Variants in EPHA5 observed in about 807,000 individuals in gnomAD.
The protein encoded by EPHA5 is ephrin type-A receptor 5.
EPHA5 carries 60 observed loss-of-function variants against 105.0 expected under a neutral mutation model. The ratio of observed to expected loss-of-function variants is 0.57; its 90% CI spans 0.46 to 0.71. The LOEUF (loss-of-function observed/expected upper bound fraction) is 0.71, where lower values mean the gene tolerates loss of function less well. Among genes scored for constraint, EPHA5 ranks in the 30% least tolerant of loss-of-function variants. EPHA5 has a pLI of 0.00. For missense variants in EPHA5, 1,218 were observed against 1,274.7 expected, an observed-to-expected ratio of 0.96 and a Z score of 0.68; for synonymous variants, 513 against 449.1, an observed-to-expected ratio of 1.14 and a Z score of -1.80.
intron 3 of EPHA5, chr4:65,574,402 A>C (rs924092946): frequency 4.1e-5 from 27 of 657,696 alleles, no homozygotes; most frequent in Middle Eastern, 4.9e-4. Flanking sequence ...AAAATAAAAA[A>C]ATACTCAAAT....
chr4:65,324,493 C>T (rs372717504), intron 16 of EPHA5, among the ~76,000 whole-genome samples: 28 of 151,448 alleles, frequency 1.8e-4, no homozygotes, highest in African/African-American at 6.8e-4. Flanking sequence ...GGTGATAAAA[C>T]AAATTTGCAC....
intron 3 of EPHA5, among the ~76,000 whole-genome samples, chr4:65,501,024 A>T (rs1248437983): frequency 6.6e-6 from 1 of 151,330 alleles, no homozygotes; most frequent in Non-Finnish European, 1.5e-5. Flanking sequence ...TTATCAGAGG[A>T]TATAAGCTAA....
chr4:65,377,142 A>G (rs1024686134), intron 8 of EPHA5: 24 of 1,332,104 alleles, frequency 1.8e-5, no homozygotes, highest in Non-Finnish European at 2.3e-5. Context: ...CTATGAATTT[A>G]CTCAGGTGTC....
At chr4:65,462,248 A>C (rs556671426) in intron 5 of EPHA5, among the ~76,000 whole-genome samples, 1 of 152,292 alleles carries the variant, frequency 6.6e-6, no homozygotes, top group South Asian at 2.1e-4. Context: ...TTCTTAGATT[A>C]TTTATATATT....
intron 2 of EPHA5, among the ~76,000 whole-genome samples, chr4:65,633,666 G>A (rs1307878562): frequency 6.6e-6 from 1 of 151,708 alleles, no homozygotes; most frequent in Non-Finnish European, 1.5e-5. Context: ...TATACATAAT[G>A]GGGAAAAGGA....
In EPHA5 at chr4:65,482,466, A is replaced by G. The variant is rs533758037; in HGVS notation, c.1402+7911T>C. Among the ~76,000 whole-genome samples, 7 of 152,268 alleles carry G rather than the reference A, an allele frequency of 4.6e-5. No homozygotes were observed. In the East Asian group the frequency reaches 1.2e-3, roughly 25 times the overall value. On this transcript the variant is annotated intron_variant, in intron 5 of 16. Coordinates refer to ENST00000613740, the MANE Select transcript of EPHA5 (RefSeq NM_001281766.3). ...ACTGGGGAACACAGACATTGAAGCT[A>G]CATTCAAGTGATTTCATTTCTTTAG...
intron 3 of EPHA5, among the ~76,000 whole-genome samples, chr4:65,597,915 G>C (rs984575272): frequency 6.6e-6 from 1 of 152,108 alleles, no homozygotes; most frequent in African/African-American, 2.4e-5. Context: ...TGAAGGTTTA[G>C]TTTGTAAAAG....
chr4:65,468,605 A>C (rs4860668), intron 5 of EPHA5, among the ~76,000 whole-genome samples: 2 of 1,256 alleles, frequency 1.6e-3, no homozygotes, highest in East Asian at 0.14. Context: ...TATATATATT[A>C]TATATATTAT....
chr4:65,399,180 C>A (rs996028457), intron 8 of EPHA5, among the ~76,000 whole-genome samples: 4 of 152,162 alleles, frequency 2.6e-5, no homozygotes, highest in African/African-American at 9.7e-5. Context: ...CTCATCCAGA[C>A]ATGGTGCCCA....
chr4:65,591,412 T>C (rs766591627), intron 3 of EPHA5, among the ~76,000 whole-genome samples: 1 of 151,938 alleles, frequency 6.6e-6, no homozygotes, highest in Non-Finnish European at 1.5e-5. Flanking sequence ...AAATTTAACT[T>C]TATCATATCA....
At chr4:65,655,809 C>T (rs1435894155) in intron 1 of EPHA5, among the ~76,000 whole-genome samples, 8 of 152,016 alleles carry the variant, frequency 5.3e-5, no homozygotes, top group Non-Finnish European at 2.9e-5. Flanking sequence ...CTAATGAGCA[C>T]CTCTGCATTA....
intron 8 of EPHA5, among the ~76,000 whole-genome samples, chr4:65,375,065 T>C (rs1205259342): frequency 6.6e-6 from 1 of 151,930 alleles, no homozygotes; most frequent in African/African-American, 2.4e-5. Context: ...TCACAAAATA[T>C]AGCAATAAAG....
chr4:65,365,675 A>G (rs1717821649), intron 10 of EPHA5, among the ~76,000 whole-genome samples: 1 of 122,042 alleles, frequency 8.2e-6, no homozygotes. Context: ...ATATATATAT[A>G]TATATATATA....
chr4:65,416,618 G>T (rs933154955), intron 6 of EPHA5, among the ~76,000 whole-genome samples: 2 of 152,112 alleles, frequency 1.3e-5, no homozygotes, highest in Non-Finnish European at 2.9e-5. Context: ...CATATACAAG[G>T]AAACTGGGCT....
chr4:65,570,539 T>C (rs1740022160), intron 3 of EPHA5, among the ~76,000 whole-genome samples: 1 of 151,800 alleles, frequency 6.6e-6, no homozygotes, highest in Admixed American at 6.6e-5. Flanking sequence ...AATATCTTAG[T>C]CAGCTTTCTT....
chr4:65,606,132 A>AT, intron 2 of EPHA5, among the ~76,000 whole-genome samples: 1 of 151,928 alleles, frequency 6.6e-6, no homozygotes, highest in Non-Finnish European at 1.5e-5. Context: ...GCTACACAAC[A>AT]TTTTTTCCAG....
intron 13 of EPHA5, among the ~76,000 whole-genome samples, chr4:65,348,930 T>C (rs1460018095): frequency 6.8e-5 from 10 of 148,006 alleles, no homozygotes; most frequent in Admixed American, 2.7e-4. Context: ...ATTCTCATAC[T>C]TCAGCCTCCC....
At chr4:65,642,828 CATG>C (rs1364999552) in intron 2 of EPHA5, among the ~76,000 whole-genome samples, 3 of 151,876 alleles carry the variant, frequency 2.0e-5, no homozygotes, top group Admixed American at 6.6e-5. Flanking sequence ...TGCATGTGTA[CATG>C]ATATTATAAT....
At chr4:65,636,407 G>C (rs1302322962) in intron 2 of EPHA5, among the ~76,000 whole-genome samples, 2 of 152,078 alleles carry the variant, frequency 1.3e-5, no homozygotes, top group Non-Finnish European at 2.9e-5. Flanking sequence ...ATTTAGAGTA[G>C]CTCATGTCTG....
Sources: gnomAD v4.1 joint callset for allele counts (sites outside exome capture counted in the v4.1 genomes callset) on GRCh38, gnomAD v4.1.1 for gene constraint, MANE v1.5 for transcripts, NCBI Gene and HGNC (gene_info 2026-07-23, HGNC 2026-07-21) for gene names.